DOCK6: variants seen among roughly 807,000 people sequenced by gnomAD.
DOCK6 encodes dedicator of cytokinesis protein 6.
Under a neutral mutation model 230.3 loss-of-function variants are expected in DOCK6, and 167 were observed. The ratio of observed to expected loss-of-function variants is 0.73; its 90% CI spans 0.64 to 0.82. The LOEUF (loss-of-function observed/expected upper bound fraction) is 0.82, where lower values mean the gene tolerates loss of function less well. Ranked by LOEUF, DOCK6 falls within the 40% of genes least tolerant of loss-of-function variation. The probability of loss-of-function intolerance (pLI) is 0.00; values close to 1 mark genes in which losing one functional copy is unlikely to be tolerated. For missense variants in DOCK6, 2,598 were observed against 2,825.8 expected (o/e 0.92, Z 1.83); for synonymous variants, 1,148 against 1,185.0 (o/e 0.97, Z 0.64).
intron 31 of DOCK6, 134 bp downstream of exon 31, chr19:11,215,667 G>T: frequency 6.8e-7 from 1 of 1,471,826 alleles, no homozygotes. Flanking sequence ...TGTGTACGGT[G>T]ATGATTTGTG....
chr19:11,238,286 G>A lies in DOCK6; in HGVS notation c.1662C>T (p.Tyr554=). 6.2e-7 allele frequency: 1 copy of A among 1,610,284 alleles called. No individual in the cohort carries two copies. The highest frequency in any genetic ancestry group is 8.5e-7 in the Non-Finnish European group (1 of 1,178,534). ...HTSYRNLLYV[Y]PHSLNFSSRQ... ...GGCTGCTGAAGTTGAGGCTGTGCGG[G>A]TACACGTACAGCAGGTTCCTGTGGG... is the stretch of plus-strand genomic sequence containing the variant. The change falls in exon 15 of 48, where the codon TAC becomes TAT. Residue 554 remains tyrosine (Y), a synonymous_variant. Coordinates refer to ENST00000294618, the MANE Select transcript of DOCK6 (RefSeq NM_020812.4).
intron 14 of DOCK6, among the ~76,000 whole-genome samples, chr19:11,240,758 T>C (rs968287530): frequency 2.0e-5 from 3 of 151,790 alleles, no homozygotes; most frequent in African/African-American, 7.3e-5. Context: ...TTAGTAGAGA[T>C]GGGATTTCAC....
chr19:11,228,981 C>T lies in DOCK6; in HGVS notation c.2773G>A (p.Glu925Lys), dbSNP rs751779826. The T allele has an allele frequency of 4.8e-5, 77 of 1,613,524 alleles. No homozygotes were observed. The highest frequency in any genetic ancestry group is 1.6e-4 in the Middle Eastern group (1 of 6,082). ...AACCAGGCGTGCTGGAGGATGGCCT[C>T]GCGTACGGCACTGCTGCTGACCACC... Reference protein sequence around the residue: ...QWVVSSSAVREAILQHAWFFF... With the variant: ...QWVVSSSAVRKAILQHAWFFF... The change falls in exon 23 of 48, where the codon GAG (glutamate) becomes AAG (lysine). Residue 925 changes from glutamate (E) to lysine (K), a missense_variant. Coordinates refer to ENST00000294618, the MANE Select transcript of DOCK6 (RefSeq NM_020812.4).
intron 6 of DOCK6, among the ~76,000 whole-genome samples, chr19:11,248,627 C>T (rs1337135527): frequency 6.6e-6 from 1 of 152,100 alleles, no homozygotes; most frequent in Non-Finnish European, 1.5e-5. Flanking sequence ...CGGGTGCCCA[C>T]AATGTCCTGG....
At chr19:11,239,449 C>T (rs986479291) in intron 14 of DOCK6, among the ~76,000 whole-genome samples, 8 of 152,234 alleles carry the variant, frequency 5.3e-5, no homozygotes, top group African/African-American at 1.9e-4. Context: ...TGGCCCTGAG[C>T]CCCAGGAAGC....
At chr19:11,227,565 G>A (rs915751045) in intron 23 of DOCK6, 88 bp from the exon 24 acceptor site, 4 of 1,476,054 alleles carry the variant, frequency 2.7e-6, no homozygotes, top group Non-Finnish European at 2.7e-6. Context: ...GAAGGGCTGT[G>A]GGTGGGGCTT....
intron 32 of DOCK6, among the ~76,000 whole-genome samples, 173 bp downstream of exon 32, chr19:11,215,214 A>C (rs1462270908): frequency 6.6e-6 from 1 of 151,922 alleles, no homozygotes; most frequent in Non-Finnish European, 1.5e-5. Context: ...AAGTGCTGGG[A>C]TTACAGGCAT....
chr19:11,222,649 G>A lies in DOCK6; in HGVS notation c.3240+86C>T, dbSNP rs2079598126. The A allele has an allele frequency of 2.9e-6, 4 of 1,390,126 alleles. No homozygotes were observed. Among genetic ancestry groups the A allele is most frequent in the Non-Finnish European group, 2.9e-6 (3 of 1,025,248 alleles). The allele number at this position is 1,390,126 out of a possible 1,614,324, so 86.1% of individuals were successfully genotyped here. On this transcript the variant is annotated intron_variant, in intron 26 of 47. Transcript: ENST00000294618. The surrounding 1 kb of genome is among the most constrained non-coding windows in gnomAD (Gnocchi z 4.0). The stretch of plus-strand genomic sequence containing the variant: ...CCTAGGCAGTGGTCCACCGTGAAAG[G>A]GACAGAGATGAGGGAACCATAGGAG...
intron 21 of DOCK6, among the ~76,000 whole-genome samples, chr19:11,235,318 G>C (rs1343106742): frequency 1.3e-5 from 2 of 152,090 alleles, no homozygotes; most frequent in Non-Finnish European, 2.9e-5. Context: ...TGTTGGCCAG[G>C]CTGGTCTTGA....
chr19:11,239,769 G>C, intron 14 of DOCK6: 3 of 1,611,196 alleles, frequency 1.9e-6, no homozygotes, highest in Non-Finnish European at 2.5e-6. Context: ...GGACCCTGCA[G>C]CTGGGCCAGG....
In DOCK6 at chr19:11,236,916, C is replaced by G. The variant is rs1023546174; in HGVS notation, c.2074-37G>C. 181 of 1,535,222 alleles carry G rather than the reference C, an allele frequency of 1.2e-4. No individual in the cohort carries two copies. The highest frequency in any genetic ancestry group is 1.5e-4 in the Non-Finnish European group (176 of 1,137,208). ...AGGCACCAGGTGGGCACTGGTCAGC[C>G]CTCCCTGACTGATCAGGTCACCCAG... is the stretch of plus-strand genomic sequence containing the variant. On this transcript the variant is annotated intron_variant, in intron 18 of 47. Coordinates refer to ENST00000294618, the MANE Select transcript of DOCK6 (RefSeq NM_020812.4). The surrounding 1 kb of genome is among the most constrained non-coding windows in gnomAD (Gnocchi z 5.2).
rs563605363 is a variant in DOCK6 at position 11,252,833 on chromosome 19, C to A, written c.258G>T (p.Leu86=). The A allele has an allele frequency of 1.8e-4, 297 of 1,613,602 alleles. 5 individuals carry two copies. The South Asian group carries it at 2.1e-3, about 11-fold the overall frequency. Reference sequence around the variant, plus strand: ...TGGTCCGGCATTCCCGGGGCTGCAGCAGCAGCTCCAAGTCATCAGCTGGGA... The same window carrying A: ...TGGTCCGGCATTCCCGGGGCTGCAGAAGCAGCTCCAAGTCATCAGCTGGGA... ...VEFPADDLEL[L]LQPRECRTTE... Residue 86 remains leucine, a synonymous_variant, in exon 3 of 48, where the codon CTG becomes CTT. Coordinates refer to ENST00000294618, the MANE Select transcript of DOCK6 (RefSeq NM_020812.4).
At chr19:11,256,964 C>A (rs2080206892) in intron 1 of DOCK6, among the ~76,000 whole-genome samples, 1 of 152,002 alleles carries the variant, frequency 6.6e-6, no homozygotes. Flanking sequence ...CAGGCGTGAG[C>A]CACCGAGCCC....
intron 37 of DOCK6, among the ~76,000 whole-genome samples, chr19:11,210,588 A>G: frequency 8.5e-6 from 1 of 118,028 alleles, no homozygotes; most frequent in African/African-American, 3.4e-5. Context: ...TCACCTGTCC[A>G]TCCCTTCACC....
chr19:11,214,679 C>A, intron 32 of DOCK6, 30 bp from the exon 33 acceptor site: 1 of 1,603,410 alleles, frequency 6.2e-7, no homozygotes, highest in South Asian at 1.1e-5. Context: ...CTTGGGGGCC[C>A]ACTCGGGGTG....
rs547898189 is a variant in DOCK6 at position 11,246,453 on chromosome 19, T to C, written c.807-575A>G. ...ATTTTTTTAGACAGAGTCTCCCCTG[T>C]TGCCCAGGCTGAAGTGCGTGGTGGG... On this transcript the variant is annotated intron_variant, in intron 7 of 47. Coordinates refer to ENST00000294618, the MANE Select transcript of DOCK6 (RefSeq NM_020812.4). Among the ~76,000 whole-genome samples, 35 of 152,218 alleles carry C rather than the reference T, an allele frequency of 2.3e-4. 3 individuals are homozygous for C. In the South Asian group the frequency reaches 7.3e-3, roughly 32 times the overall value.
At chr19:11,213,366 T>C (rs1212348639) in intron 34 of DOCK6, 38 bp from the exon 35 acceptor site, 1 of 1,590,826 alleles carries the variant, frequency 6.3e-7, no homozygotes, top group Admixed American at 1.8e-5. Flanking sequence ...GTCCAGCCCC[T>C]CCCCGTTCTG....
chr19:11,253,246 G>A (rs1048380228), intron 2 of DOCK6, among the ~76,000 whole-genome samples: 6 of 152,148 alleles, frequency 3.9e-5, no homozygotes, highest in African/African-American at 1.4e-4. Flanking sequence ...GTTGACAGAG[G>A]CCAGGCAAGA....
In DOCK6 at chr19:11,215,448, C is replaced by G. The variant is rs2079468114; in HGVS notation, c.4045G>C (p.Glu1349Gln). 3 of 1,613,282 alleles carry G rather than the reference C, an allele frequency of 1.9e-6. No individual in the cohort carries two copies. Among genetic ancestry groups the G allele is most frequent in the African/African-American group, 1.3e-5 (1 of 74,594 alleles). Residue 1349 changes from glutamate to glutamine, a missense_variant, in exon 32 of 48, where the codon GAG (glutamate) becomes CAG (glutamine). Glu to Gln is a conservative substitution (Grantham distance 29). Transcript: ENST00000294618. ...ACGCTCTTCCGCCAGCGCACATTCTCCGGATTCCCAAACGGGCTCCTCTCT... is the reference window on the plus strand; with the variant it reads ...ACGCTCTTCCGCCAGCGCACATTCTGCGGATTCCCAAACGGGCTCCTCTCT... ...SRERSPFGNP[E>Q]NVRWRKSVTH...
Sources: allele counts gnomAD v4.1 joint callset (sites outside exome capture counted in the v4.1 genomes callset), GRCh38; gene constraint gnomAD v4.1.1; non-coding constraint Gnocchi (gnomAD v3.1); transcripts MANE v1.5; gene names NCBI Gene and HGNC (gene_info 2026-07-23, HGNC 2026-07-21).